The following GARNL3 variants were observed in gnomAD, a reference collection of about 807,000 sequenced individuals.
GARNL3 encodes the protein GTPase-activating Rap/Ran-GAP domain-like protein 3.
GARNL3 carries 63 observed loss-of-function variants against 125.0 expected under a neutral mutation model. The observed-to-expected ratio is 0.50, with a 90% confidence interval of 0.41 to 0.62. GARNL3 has a LOEUF of 0.62. GARNL3 is among the 20% of genes least tolerant of loss of function. The pLI is 0.00. For synonymous variants in GARNL3, 439 were observed against 457.5 expected (o/e 0.96, Z 0.52); for missense variants, 994 against 1,244.0 (o/e 0.80, Z 3.02).
chr9:127,375,394 A>T (rs1831841748), intron 22 of GARNL3, among the ~76,000 whole-genome samples: 1 of 150,380 alleles, frequency 6.6e-6, no homozygotes, highest in Non-Finnish European at 1.5e-5. Flanking sequence ...GGAACCCGGG[A>T]GGCAGAGGTT....
At chr9:127,243,689 A>G (rs891431738) in intron 2 of GARNL3, among the ~76,000 whole-genome samples, 3 of 152,246 alleles carry the variant, frequency 2.0e-5, no homozygotes, top group African/African-American at 7.2e-5. Context: ...TTGAATATAA[A>G]TAGTATATGG....
Position 127,393,275 on chromosome 9 carries a change from C to T in GARNL3, c.*21C>T, listed in dbSNP as rs748812641. The T allele has an allele frequency of 3.2e-6, 5 of 1,587,202 alleles. No individual in the cohort carries two copies. Among genetic ancestry groups the T allele is most frequent in the Admixed American group, 3.4e-5 (2 of 59,030 alleles). On this transcript the variant is annotated 3_prime_UTR_variant, in exon 28 of 28. Transcript: ENST00000373387. ...AGTAACAGAGTTGAATCTCATTTGC[C>T]ATCTTTAGTTTTCTTATGGAGGTTT...
At chr9:127,235,634 AGTTTTTTT>A (rs146552704) in intron 1 of GARNL3, among the ~76,000 whole-genome samples, 22,405 of 151,806 alleles carry the variant, frequency 0.15, 5,027 homozygotes, top group African/African-American at 0.49. Context: ...AGATTCATAT[AGTTTTTTT>A]GTTTTTTTGT....
At chr9:127,305,754 TTTTA>T (rs1005474339) in intron 2 of GARNL3, among the ~76,000 whole-genome samples, 7 of 151,666 alleles carry the variant, frequency 4.6e-5, no homozygotes, top group Admixed American at 4.6e-4. Context: ...TATTTTTTAA[TTTTA>T]TTTATTTATT....
rs1830644594 is a variant in GARNL3, at chr9:127,355,558, TGAG to T, written c.1935+88_1935+90del. 5 of 1,307,996 alleles carry T rather than the reference TGAG, an allele frequency of 3.8e-6. No individual in the cohort carries two copies. The East Asian group carries it at 1.2e-4, about 30-fold the overall frequency. The allele number at this position is 1,307,996 out of a possible 1,614,324, so 81.0% of individuals were successfully genotyped here. On this transcript the variant is annotated intron_variant, in intron 20 of 27. Transcript: ENST00000373387. ...CTTCCACCCAGAGTTTGTTACCCAC[TGAG>T]GTTGTCCCACTGTTTAGTAGCCAAC... is the stretch of plus-strand genomic sequence containing the variant.
intron 1 of GARNL3, among the ~76,000 whole-genome samples, chr9:127,231,318 C>T (rs1191021358): frequency 1.0e-4 from 15 of 150,356 alleles, no homozygotes; most frequent in South Asian, 6.3e-4. Context: ...ATGATCCGCC[C>T]GCCTCGGCCT....
chr9:127,330,377 A>C (rs1241666147), intron 7 of GARNL3, among the ~76,000 whole-genome samples: 2 of 152,230 alleles, frequency 1.3e-5, no homozygotes, highest in African/African-American at 4.8e-5. Flanking sequence ...AATTTATCAA[A>C]TGCTAGTTTG....
intron 1 of GARNL3, among the ~76,000 whole-genome samples, chr9:127,238,316 G>A (rs961298740): frequency 2.0e-5 from 3 of 152,256 alleles, no homozygotes; most frequent in East Asian, 1.9e-4. Context: ...ACAGCTAGGG[G>A]AGCCCAGTCG....
At chr9:127,298,305 A>G (rs1324079154) in intron 2 of GARNL3, among the ~76,000 whole-genome samples, 1 of 152,094 alleles carries the variant, frequency 6.6e-6, no homozygotes, top group Non-Finnish European at 1.5e-5. Context: ...CAGCCTCCCA[A>G]ATAGCTGGGA....
exon 2 of GARNL3, chr9:127,243,138 G>A (rs1476874364): frequency 1.4e-5 from 19 of 1,365,590 alleles, no homozygotes; most frequent in Non-Finnish European, 1.8e-5. Flanking sequence ...CCTTGTGGGA[G>A]TCAGATAGCA....
intron 7 of GARNL3, among the ~76,000 whole-genome samples, 184 bp downstream of exon 7, chr9:127,325,279 A>G (rs1017207483): frequency 1.3e-5 from 2 of 152,226 alleles, no homozygotes; most frequent in Non-Finnish European, 2.9e-5. Context: ...AGAATTTTCT[A>G]TGCATCTAGC....
At chr9:127,268,794 G>A (rs2063756949) in intron 1 of GARNL3, among the ~76,000 whole-genome samples, 2 of 151,998 alleles carry the variant, frequency 1.3e-5, no homozygotes, top group African/African-American at 4.8e-5. Flanking sequence ...TCTACTTTCT[G>A]TCTCTATGAA....
At chr9:127,304,870 A>G (rs1226884138) in intron 2 of GARNL3, among the ~76,000 whole-genome samples, 1 of 152,092 alleles carries the variant, frequency 6.6e-6, no homozygotes, top group Non-Finnish European at 1.5e-5. Context: ...AAAACCAGAA[A>G]CAATCCAAAT....
intron 11 of GARNL3, among the ~76,000 whole-genome samples, chr9:127,337,062 A>G (rs1829592909): frequency 6.6e-6 from 1 of 152,232 alleles, no homozygotes; most frequent in Non-Finnish European, 1.5e-5. Context: ...TGACATAAAA[A>G]TAGAGGATGG....
intron 15 of GARNL3, among the ~76,000 whole-genome samples, chr9:127,344,888 C>T (rs577771919): frequency 3.3e-5 from 5 of 152,256 alleles, no homozygotes; most frequent in East Asian, 1.9e-4. Flanking sequence ...TTCCGGGAGG[C>T]GACACAGCTG....
At chr9:127,331,720 C>CTTTTTTTTTTTTTTTTTTTT (rs60448026) in intron 7 of GARNL3, among the ~76,000 whole-genome samples, 14 of 74,400 alleles carry the variant, frequency 1.9e-4, no homozygotes, top group East Asian at 1.3e-3. Context: ...CTTGGGCTTG[C>CTTTTTTTTTTTTTTTTTTTT]TTTTTTTTTT....
At chr9:127,262,238 A>T (rs906141148), upstream of GARNL3, among the ~76,000 whole-genome samples, 1 of 152,234 alleles carries the variant, frequency 6.6e-6, no homozygotes, top group African/African-American at 2.4e-5. Context: ...ATTCTACCTG[A>T]TTAACACAAC....
intron 24 of GARNL3, among the ~76,000 whole-genome samples, chr9:127,386,247 C>T (rs1452851003): frequency 6.6e-6 from 1 of 152,146 alleles, no homozygotes; most frequent in African/African-American, 2.4e-5. Flanking sequence ...AACTATTTTT[C>T]ACCCTCATAC....
At chr9:127,291,309 G>C in intron 2 of GARNL3, 67 bp downstream of exon 2, 1 of 1,372,268 alleles carries the variant, frequency 7.3e-7, no homozygotes, top group South Asian at 1.2e-5. Context: ...GGATATAGCA[G>C]TGAAAGAGTT....
Sources: gnomAD v4.1 joint callset for allele counts (sites outside exome capture counted in the v4.1 genomes callset) on GRCh38, gnomAD v4.1.1 for gene constraint, MANE v1.5 for transcripts, NCBI Gene and HGNC (gene_info 2026-07-23, HGNC 2026-07-21) for gene names.